GNL3L: variants seen among roughly 807,000 people sequenced by gnomAD.
The protein encoded by GNL3L is guanine nucleotide-binding protein-like 3-like protein.
Under a neutral mutation model 42.9 loss-of-function variants are expected in GNL3L, and 4 were observed. The observed-to-expected ratio is 0.09, with a 90% CI of 0.05 to 0.21. GNL3L has a LOEUF of 0.21. Among genes scored for constraint, GNL3L ranks in the 10% least tolerant of loss-of-function variants. The probability of loss-of-function intolerance (pLI) is 1.00; values close to 1 mark genes in which losing one functional copy is unlikely to be tolerated. For synonymous variants in GNL3L, 159 were observed against 176.3 expected (o/e 0.90, Z 0.78); for missense variants, 412 against 481.7 (o/e 0.86, Z 1.36).
chrX:54,625,295 T>G (rs5961105), downstream of GNL3L, among the ~76,000 whole-genome samples: 2 of 109,094 alleles, frequency 1.8e-5, no homozygotes, highest in South Asian at 7.8e-4. Context: ...TTTTGTTTTT[T>G]TTTTTTTTTA....
intron 15 of GNL3L, among the ~76,000 whole-genome samples, 176 bp from the exon 16 acceptor site, chrX:54,560,344 C>T (rs964985853): frequency 2.7e-5 from 3 of 111,869 alleles, no homozygotes; most frequent in African/African-American, 9.7e-5. Context: ...AATGGATTGT[C>T]TACCTGTGAA....
At chrX:54,635,237 TTC>T in the GNL3L span, among the ~76,000 whole-genome samples, 1 of 111,986 alleles carries the variant, frequency 8.9e-6, no homozygotes, top group South Asian at 3.7e-4. Context: ...GCTCCAAAAT[TTC>T]TGTTTGGTTC....
chrX:54,630,360 C>G, the GNL3L span, among the ~76,000 whole-genome samples: 1 of 109,582 alleles, frequency 9.1e-6, no homozygotes, highest in Non-Finnish European at 1.9e-5. Context: ...TCTATTTGTG[C>G]TTTTTCTGAC....
chrX:54,569,849 A>G (rs1192452822), downstream of GNL3L, among the ~76,000 whole-genome samples: 1 of 112,198 alleles, frequency 8.9e-6, no homozygotes, highest in Non-Finnish European at 1.9e-5. Context: ...TAACTTCCAC[A>G]TATTTGGACA....
chrX:54,638,811 T>C, the GNL3L span, among the ~76,000 whole-genome samples: 2 of 112,215 alleles, frequency 1.8e-5, no homozygotes, highest in Non-Finnish European at 3.8e-5. Context: ...ACTGATACTT[T>C]CAATTTTTCG....
intron 16 of GNL3L, among the ~76,000 whole-genome samples, chrX:54,618,222 C>T (rs190902244): frequency 5.4e-5 from 6 of 110,766 alleles, no homozygotes; most frequent in African/African-American, 1.6e-4. Context: ...TTATCTGCCC[C>T]GGCAGTCTTG....
chrX:54,568,156 A>G (rs779276594), downstream of GNL3L, among the ~76,000 whole-genome samples: 2 of 110,212 alleles, frequency 1.8e-5, no homozygotes, highest in Admixed American at 9.7e-5. Flanking sequence ...TTTAGTAGAG[A>G]TGGGGTTTCA....
intron 15 of GNL3L, 131 bp downstream of exon 15, chrX:54,558,786 A>C: frequency 2.1e-6 from 1 of 477,803 alleles, no homozygotes; most frequent in Non-Finnish European, 3.6e-6. Flanking sequence ...CTTCCTGAGT[A>C]GCTGGGATTA....
At chrX:54,576,021 T>A (rs1286998583) in intron 16 of GNL3L, among the ~76,000 whole-genome samples, 2 of 112,376 alleles carry the variant, frequency 1.8e-5, no homozygotes, top group African/African-American at 6.5e-5. Context: ...GGATGGAGTG[T>A]TCTAAGGATG....
the GNL3L span, among the ~76,000 whole-genome samples, chrX:54,634,797 T>G: frequency 1.1e-5 from 1 of 94,227 alleles, no homozygotes; most frequent in African/African-American, 3.9e-5. Context: ...CTTTTTTTTT[T>G]TTTTTTTTTT....
rs185913741 is a variant in GNL3L at position 54,604,297 on chromosome X, G to A, written c.*46-16548G>A. Among the ~76,000 whole-genome samples, 556 of 111,781 alleles carry A rather than the reference G, an allele frequency of 5.0e-3. 3 individuals are homozygous for A. The highest frequency in any genetic ancestry group is 0.017 in the African/African-American group (532 of 30,775). On this transcript the variant is annotated intron_variant, in intron 16 of 16. Transcript: ENST00000674498. ...TAAATAAATCATTATACTGTAGTAC[G>A]AATAAGAAAAAATATTTAAAAAATC...
At chrX:54,537,729 G>A (rs1188361169) in intron 2 of GNL3L, among the ~76,000 whole-genome samples, 1 of 111,158 alleles carries the variant, frequency 9.0e-6, no homozygotes. Context: ...GCAACAGGCA[G>A]GTGCTACTGT....
intron 14 of GNL3L, among the ~76,000 whole-genome samples, chrX:54,555,633 ATT>A (rs759334820): frequency 7.5e-5 from 5 of 66,394 alleles, no homozygotes; most frequent in Middle Eastern, 8.3e-3. Context: ...ACCATGCCTA[ATT>A]TTTTTTTTTT....
intron 16 of GNL3L, among the ~76,000 whole-genome samples, chrX:54,620,051 A>G (rs1303990980): frequency 5.4e-5 from 6 of 111,600 alleles, no homozygotes; most frequent in Non-Finnish European, 1.1e-4. Context: ...TGATACAGGC[A>G]TGCAATGTGT....
intron 4 of GNL3L, 57 bp from the exon 5 acceptor site, chrX:54,541,216 C>T (rs1233603881): frequency 2.5e-6 from 2 of 799,695 alleles, no homozygotes; most frequent in South Asian, 2.2e-5. Context: ...GTCACCCATC[C>T]CTCCCTTAGG....
chrX:54,600,122 T>C (rs1032080316), intron 16 of GNL3L, among the ~76,000 whole-genome samples: 1 of 109,130 alleles, frequency 9.2e-6, no homozygotes, highest in African/African-American at 3.3e-5. Context: ...TTTCTGGTTC[T>C]TGTTATGATG....
chrX:54,585,272 C>G (rs1189757756), intron 16 of GNL3L, among the ~76,000 whole-genome samples: 3 of 111,013 alleles, frequency 2.7e-5, no homozygotes, highest in Non-Finnish European at 5.7e-5. Flanking sequence ...TAATTGTGGC[C>G]TCATAAAATG....
chrX:54,602,817 G>A (rs1298801588), intron 16 of GNL3L, among the ~76,000 whole-genome samples: 1 of 111,224 alleles, frequency 9.0e-6, no homozygotes, highest in African/African-American at 3.3e-5. Context: ...CAGTCCTACT[G>A]ACACAAGAAA....
chrX:54,548,729 A>C (rs758659540), intron 9 of GNL3L, among the ~76,000 whole-genome samples: 1 of 111,161 alleles, frequency 9.0e-6, no homozygotes, highest in Admixed American at 9.6e-5. Flanking sequence ...GCTGAGGATC[A>C]AAACCTGGGC....
Sources: allele counts gnomAD v4.1 joint callset (sites outside exome capture counted in the v4.1 genomes callset), GRCh38; gene constraint gnomAD v4.1.1; transcripts MANE v1.5; gene names NCBI Gene and HGNC (gene_info 2026-07-23, HGNC 2026-07-21).